Variants in CHD7 observed in about 807,000 individuals in gnomAD.
The protein encoded by CHD7 is ATP-dependent chromatin remodeler CHD7.
In CHD7, 24 loss-of-function variants were observed where a neutral mutation model predicts 307.3. The observed-to-expected ratio is 0.08, with a 90% CI of 0.06 to 0.11. CHD7 has a LOEUF of 0.11. CHD7 is among the 10% of genes least tolerant of loss of function. The pLI, the probability that CHD7 is intolerant of heterozygous loss-of-function variation, is 1.00. For missense variants in CHD7, 3,106 were observed against 3,727.1 expected (o/e 0.83, Z 4.34); for synonymous variants, 1,363 against 1,349.9 (o/e 1.01, Z -0.21).
At chr8:60,843,539 A>G (rs987395937) in intron 21 of CHD7, among the ~76,000 whole-genome samples, 13 of 152,104 alleles carry the variant, frequency 8.5e-5, no homozygotes, top group African/African-American at 2.9e-4. Context: ...CTCAGTCACT[A>G]GGGGTGGAGC....
chr8:60,729,832 T>C (rs1294532014), intron 1 of CHD7, among the ~76,000 whole-genome samples: 2 of 152,256 alleles, frequency 1.3e-5, no homozygotes, highest in Non-Finnish European at 1.5e-5. Context: ...CTTATTGATC[T>C]GTGATCAAAA....
intron 6 of CHD7, among the ~76,000 whole-genome samples, chr8:60,805,857 CATTGAAAATGCCTTCAAA>C (rs1400054639): frequency 6.6e-6 from 1 of 151,974 alleles, no homozygotes; most frequent in African/African-American, 2.4e-5. Context: ...CATTTGAAGG[CATTGAAAATGCCTTCAAA>C]ATTGAAAAAA....
intron 1 of CHD7, among the ~76,000 whole-genome samples, chr8:60,736,522 CTT>C (rs1808723327): frequency 6.6e-6 from 1 of 152,080 alleles, no homozygotes; most frequent in Admixed American, 6.5e-5. Context: ...CTGCAAAATG[CTT>C]CCTTGGAAAT....
chr8:60,769,373 C>A (rs1486449982), intron 2 of CHD7, among the ~76,000 whole-genome samples: 2 of 152,196 alleles, frequency 1.3e-5, no homozygotes, highest in Admixed American at 1.3e-4. Flanking sequence ...GCTACTCAAA[C>A]TCTTGGCTGT....
chr8:60,690,213 C>G (rs1806127069), intron 1 of CHD7, among the ~76,000 whole-genome samples: 1 of 151,782 alleles, frequency 6.6e-6, no homozygotes, highest in African/African-American at 2.4e-5. Context: ...AAAAAAATCC[C>G]AAGTCTTAAT....
At chr8:60,747,151 A>G (rs1410289678) in intron 2 of CHD7, among the ~76,000 whole-genome samples, 1 of 152,152 alleles carries the variant, frequency 6.6e-6, no homozygotes, top group Non-Finnish European at 1.5e-5. Flanking sequence ...TTCTTGGCTC[A>G]CTGCAACCTC....
chr8:60,686,272 G>A (rs1164700357), intron 1 of CHD7, among the ~76,000 whole-genome samples: 1 of 151,820 alleles, frequency 6.6e-6, no homozygotes, highest in Non-Finnish European at 1.5e-5. Context: ...ACTAACTTCA[G>A]CTTCAGATGG....
chr8:60,856,003 A>T lies in CHD7; in HGVS notation c.6965A>T (p.Asn2322Ile). 2 of 1,610,294 alleles carry T rather than the reference A, an allele frequency of 1.2e-6. No individual in the cohort carries two copies. Among genetic ancestry groups the T allele is most frequent in the South Asian group, 2.2e-5 (2 of 90,168 alleles). ...KDRVMINRLD[N>I]ICEAVLKGKW... is the part of the protein sequence containing the mutation. ...AGAGTAATGATAAACCGCTTAGACA[A>T]CATCTGTGAAGCAGTGTTGAAAGGC... The change falls in exon 33 of 38, where the codon AAC becomes ATC. Residue 2322 changes from asparagine to isoleucine, a missense_variant. Physicochemically the swap from Asn to Ile is moderately radical, Grantham distance 149. Transcript: ENST00000423902.
chr8:60,712,442 CAT>C (rs1184062999), intron 1 of CHD7, among the ~76,000 whole-genome samples: 1 of 152,140 alleles, frequency 6.6e-6, no homozygotes, highest in Non-Finnish European at 1.5e-5. Flanking sequence ...ACCTTTCTAA[CAT>C]GTAAAAGTAG....
intron 6 of CHD7, among the ~76,000 whole-genome samples, chr8:60,805,145 T>G (rs1812480667): frequency 6.6e-6 from 1 of 152,176 alleles, no homozygotes; most frequent in African/African-American, 2.4e-5. Flanking sequence ...AGGGGCTGTT[T>G]GAAGCTGTCA....
At chr8:60,799,982 T>A (rs1812216696) in intron 4 of CHD7, among the ~76,000 whole-genome samples, 2 of 152,168 alleles carry the variant, frequency 1.3e-5, no homozygotes, top group South Asian at 2.1e-4. Flanking sequence ...TTCCTTAAGA[T>A]TAATTTAAAA....
intron 7 of CHD7, among the ~76,000 whole-genome samples, chr8:60,813,190 C>A (rs1017172490): frequency 3.3e-5 from 5 of 152,074 alleles, no homozygotes; most frequent in Admixed American, 6.6e-5. Flanking sequence ...TCTAACATAT[C>A]CCCTTATTGG....
At chr8:60,854,231 C>T in intron 31 of CHD7, 132 bp from the exon 32 acceptor site, 1 of 698,260 alleles carries the variant, frequency 1.4e-6, no homozygotes, top group Admixed American at 2.7e-5. Context: ...GTGCCCAATA[C>T]CATTCTAGCC....
intron 2 of CHD7, among the ~76,000 whole-genome samples, chr8:60,750,997 A>G (rs1040160285): frequency 1.1e-4 from 17 of 152,240 alleles, no homozygotes; most frequent in South Asian, 2.1e-4. Context: ...TGTTAGGGAT[A>G]TTAGTATCAG....
chr8:60,786,856 T>C (rs1341889866), intron 3 of CHD7, among the ~76,000 whole-genome samples: 1 of 152,196 alleles, frequency 6.6e-6, no homozygotes, highest in Non-Finnish European at 1.5e-5. Flanking sequence ...AAGATCTTTA[T>C]GTTAGTTGTC....
intron 13 of CHD7, among the ~76,000 whole-genome samples, 200 bp from the exon 14 acceptor site, chr8:60,828,463 G>T (rs189083075): frequency 6.6e-6 from 1 of 152,342 alleles, no homozygotes; most frequent in East Asian, 1.9e-4. Flanking sequence ...ACCCTGTAGA[G>T]TTCTGGAGAG....
intron 1 of CHD7, among the ~76,000 whole-genome samples, chr8:60,738,976 G>A (rs1808850289): frequency 1.3e-5 from 2 of 152,154 alleles, no homozygotes; most frequent in Non-Finnish European, 2.9e-5. Flanking sequence ...ATGCGCATAG[G>A]CAACTTGTCC....
Position 60,742,722 on chromosome 8 carries a change from G to A in CHD7, c.1290G>A (p.Met430Ile). The A allele has an allele frequency of 3.7e-6, 6 of 1,613,856 alleles. No individual in the cohort carries two copies. Among genetic ancestry groups the A allele is most frequent in the Non-Finnish European group, 5.1e-6 (6 of 1,179,754 alleles). Residue 430 changes from methionine (M) to isoleucine (I), a missense_variant, in exon 2 of 38, where the codon ATG (methionine) becomes ATA (isoleucine). Physicochemically the swap from Met to Ile is conservative, Grantham distance 10. Transcript: ENST00000423902. The part of the protein sequence containing the change: ...IPMEVGSYPN[M>I]PHPQPSHQPP... ...TGGAAGTTGGCAGTTATCCAAATATGCCCCATCCTCAGCCATCTCACCAGC... is the reference window on the plus strand; with the variant it reads ...TGGAAGTTGGCAGTTATCCAAATATACCCCATCCTCAGCCATCTCACCAGC...
Position 60,743,062 on chromosome 8 carries a change from C to G in CHD7, c.1630C>G (p.Pro544Ala). 6.2e-7 allele frequency: 1 copy of G among 1,613,908 alleles called. No homozygotes were observed. The highest frequency in any genetic ancestry group is 8.5e-7 in the Non-Finnish European group (1 of 1,179,864). ...HQPWAQLHPS[P>A]QNTPQKVPVH... ...GCCTTGGGCACAGCTCCACCCATCA[C>G]CCCAGAACACCCCGCAGAAAGTGCC... The change falls in exon 2 of 38, where the codon CCC (proline) becomes GCC (alanine). Residue 544 changes from proline to alanine, a missense_variant. Transcript: ENST00000423902.
Sources: gnomAD v4.1 joint callset for allele counts (sites outside exome capture counted in the v4.1 genomes callset) on GRCh38, gnomAD v4.1.1 for gene constraint, MANE v1.5 for transcripts, NCBI Gene and HGNC (gene_info 2026-07-23, HGNC 2026-07-21) for gene names.